DROSHA: variants seen among roughly 807,000 people sequenced by gnomAD.
DROSHA encodes ribonuclease 3.
DROSHA carries 56 observed loss-of-function variants against 181.9 expected under a neutral mutation model. The observed-to-expected ratio is 0.31, with a 90% CI of 0.25 to 0.38. The LOEUF is 0.38. Ranked by LOEUF, DROSHA falls within the 10% of genes least tolerant of loss-of-function variation. The pLI is 1.00. For missense variants in DROSHA, 1,218 were observed against 1,743.5 expected, an observed-to-expected ratio of 0.70 and a Z score of 5.37; for synonymous variants, 524 against 591.2, an observed-to-expected ratio of 0.89 and a Z score of 1.65.
At chr5:31,449,203 T>C in intron 22 of DROSHA, 78 bp downstream of exon 22, 1 of 1,564,312 alleles carries the variant, frequency 6.4e-7, no homozygotes, top group African/African-American at 1.4e-5. Flanking sequence ...AGGGAACCAT[T>C]CCTAGAGGCG....
At position 31,401,235 on chromosome 5, in the gene DROSHA, G is replaced by A; in HGVS notation, c.*197C>T. ...CCAAAGTCAAGTTTTCCGTTAAATA[G>A]AAGAAAAATCTAATACTTTGTAATA... On this transcript the variant is annotated 3_prime_UTR_variant, in exon 36 of 36. Transcript: ENST00000344624. The A allele has an allele frequency of 1.5e-6, 1 of 666,604 alleles. No individual in the cohort carries two copies. The highest frequency in any genetic ancestry group is 1.7e-5 in the South Asian group (1 of 58,098). The allele number at this position is 666,604 out of a possible 1,614,324, so 41.3% of individuals were successfully genotyped here.
chr5:31,401,987 A>G (rs1246149918), intron 35 of DROSHA, among the ~76,000 whole-genome samples: 1 of 152,210 alleles, frequency 6.6e-6, no homozygotes, highest in Non-Finnish European at 1.5e-5. Flanking sequence ...CAAACAAATG[A>G]TATTATCACA....
chr5:31,406,934 G>C lies in DROSHA; in HGVS notation c.3866C>G (p.Thr1289Arg). The C allele has an allele frequency of 6.2e-7, 1 of 1,613,258 alleles. No individual in the cohort carries two copies. The highest frequency in any genetic ancestry group is 8.5e-7 in the Non-Finnish European group (1 of 1,179,522). The change falls in exon 34 of 36, where the codon ACA becomes AGA. Residue 1289 changes from threonine (T) to arginine (R), a missense_variant. Thr to Arg is a moderately conservative substitution (Grantham distance 71). Transcript: ENST00000344624. The stretch of plus-strand genomic sequence containing the variant: ...GGTTCGGGCATGGGATGGGCCCACT[G>C]TCTGCAGAGTCCTGAAAGGGAAAGG... ...PDIPLYKTLQ[T>R]VGPSHARTYT...
At chr5:31,488,930 G>A (rs1386885670) in intron 13 of DROSHA, 1 of 152,220 alleles carries the variant, frequency 6.6e-6, no homozygotes, top group Non-Finnish European at 1.5e-5. Flanking sequence ...CTGGGTTTCT[G>A]GCGTAAGTGA....
chr5:31,517,886 C>A (rs541489568), intron 6 of DROSHA, among the ~76,000 whole-genome samples: 24 of 151,834 alleles, frequency 1.6e-4, no homozygotes, highest in Admixed American at 5.9e-4. Flanking sequence ...GGCAACATAG[C>A]GAGATCCCCA....
Position 31,514,046 on chromosome 5 carries a change from C to T in DROSHA, c.1290+942G>A, listed in dbSNP as rs183470631. On this transcript the variant is annotated intron_variant, in intron 8 of 35. Coordinates refer to ENST00000344624, the MANE Select transcript of DROSHA (RefSeq NM_001382508.1). This position sits in a 1 kb window ranked among gnomAD's most constrained non-coding sequence, Gnocchi z 4.4. ...GCCGGCTGTAGCACCACAGGCGCCC[C>T]GGCCCTGGCAGCATGTGCTCTAGGA... 6.6e-5 allele frequency among the ~76,000 whole-genome samples: 10 copies of T among 152,262 alleles called. No homozygotes were observed. The East Asian group carries it at 1.4e-3, about 21-fold the overall frequency.
At chr5:31,438,649 A>G (rs986617162) in intron 23 of DROSHA, among the ~76,000 whole-genome samples, 37 of 152,126 alleles carry the variant, frequency 2.4e-4, no homozygotes, top group Admixed American at 1.8e-3. Context: ...AAATGGAGAG[A>G]TCCAGTAGAG....
chr5:31,483,051 C>G (rs1216858965), intron 16 of DROSHA, among the ~76,000 whole-genome samples: 1 of 151,990 alleles, frequency 6.6e-6, no homozygotes, highest in East Asian at 1.9e-4. Flanking sequence ...CTTTAAAAAA[C>G]TGTCATATAT....
chr5:31,455,804 C>T (rs2150018791), intron 20 of DROSHA, among the ~76,000 whole-genome samples: 1 of 152,134 alleles, frequency 6.6e-6, no homozygotes, highest in South Asian at 2.1e-4. Flanking sequence ...CCACACCCAG[C>T]TAATTTTTTG....
At chr5:31,447,273 A>G (rs942841735) in intron 23 of DROSHA, among the ~76,000 whole-genome samples, 1 of 152,212 alleles carries the variant, frequency 6.6e-6, no homozygotes, top group Non-Finnish European at 1.5e-5. Flanking sequence ...AAGGAATAAT[A>G]ACTAATAGCT....
At chr5:31,466,975 C>A (rs555169408) in intron 18 of DROSHA, among the ~76,000 whole-genome samples, 1 of 152,150 alleles carries the variant, frequency 6.6e-6, no homozygotes, top group Non-Finnish European at 1.5e-5. Flanking sequence ...TGAGAGTCCA[C>A]GAGAGCCTCA....
At chr5:31,526,965 TA>T (rs1368512373) in intron 4 of DROSHA, 53 bp from the exon 5 acceptor site, 29 of 1,504,666 alleles carry the variant, frequency 1.9e-5, no homozygotes, top group Non-Finnish European at 2.4e-5. Flanking sequence ...TAATTCTTAC[TA>T]TGTAAACAGG....
chr5:31,448,699 A>AG, intron 22 of DROSHA, 92 bp from the exon 23 acceptor site: 2 of 935,456 alleles, frequency 2.1e-6, no homozygotes, highest in Non-Finnish European at 3.3e-6. Flanking sequence ...ATCTCATCTC[A>AG]ATGTGATTTT....
At chr5:31,410,724 G>A (rs1391805744) in intron 31 of DROSHA, 22 bp downstream of exon 31, 20 of 1,607,796 alleles carry the variant, frequency 1.2e-5, no homozygotes, top group Non-Finnish European at 1.7e-5. Context: ...TGGAGGTTGA[G>A]AGAAAAGTGT....
intron 29 of DROSHA, among the ~76,000 whole-genome samples, chr5:31,422,315 T>C (rs1391228682): frequency 1.3e-5 from 2 of 152,120 alleles, no homozygotes; most frequent in South Asian, 4.1e-4. Context: ...ATTGTTTCAC[T>C]AGCTCACCTT....
At chr5:31,483,469 T>C (rs1484692668) in intron 16 of DROSHA, 85 bp downstream of exon 16, 4 of 1,344,446 alleles carry the variant, frequency 3.0e-6, no homozygotes, top group Non-Finnish European at 3.2e-6. Context: ...GGTGGGAAAG[T>C]TGTCCCTGAA....
intron 27 of DROSHA, among the ~76,000 whole-genome samples, chr5:31,427,051 C>T (rs1443277359): frequency 6.6e-6 from 1 of 152,130 alleles, no homozygotes; most frequent in African/African-American, 2.4e-5. Flanking sequence ...AGGAGGAACA[C>T]ATTTGGGGGT....
intron 22 of DROSHA, 95 bp from the exon 23 acceptor site, chr5:31,448,702 G>T: frequency 1.1e-6 from 1 of 922,612 alleles, no homozygotes; most frequent in Non-Finnish European, 1.7e-6. Context: ...TCATCTCAAT[G>T]TGATTTTAAA....
Position 31,486,576 on chromosome 5 carries a change from A to T in DROSHA, c.1843-14T>A, listed in dbSNP as rs778028078. Reference sequence around the variant, plus strand: ...ACACAGTGGAATCTGCAATAAAAAGAAGTGAGGTTCAGTTCCCCAACGTCT... The same window carrying T: ...ACACAGTGGAATCTGCAATAAAAAGTAGTGAGGTTCAGTTCCCCAACGTCT... On this transcript the variant is annotated splice_polypyrimidine_tract_variant and intron_variant, in intron 13 of 35. Coordinates refer to ENST00000344624, the MANE Select transcript of DROSHA (RefSeq NM_001382508.1). The T allele has an allele frequency of 6.2e-7, 1 of 1,612,138 alleles. No homozygotes were observed. Among genetic ancestry groups the T allele is most frequent in the Non-Finnish European group, 8.5e-7 (1 of 1,178,974 alleles).
Sources: gnomAD v4.1 joint callset for allele counts (sites outside exome capture counted in the v4.1 genomes callset) on GRCh38, gnomAD v4.1.1 for gene constraint, Gnocchi (gnomAD v3.1) non-coding constraint, MANE v1.5 for transcripts, NCBI Gene and HGNC (gene_info 2026-07-23, HGNC 2026-07-21) for gene names.